Variants in NTRK2 observed in about 807,000 individuals in gnomAD.
The protein encoded by NTRK2 is BDNF/NT-3 growth factors receptor.
Under a neutral mutation model 94.5 loss-of-function variants are expected in NTRK2, and 13 were observed. That is an observed-to-expected ratio of 0.14 (90% confidence interval 0.09 to 0.22). The LOEUF (loss-of-function observed/expected upper bound fraction) is 0.22. Among genes scored for constraint, NTRK2 ranks in the 10% least tolerant of loss-of-function variants. NTRK2 has a pLI of 1.00. For synonymous variants in NTRK2, 372 were observed against 407.4 expected, an observed-to-expected ratio of 0.91 and a Z score of 1.05; for missense variants, 639 against 1,071.2, an observed-to-expected ratio of 0.60 and a Z score of 5.63.
chr9:84,865,944 T>C (rs1231727661), intron 13 of NTRK2, among the ~76,000 whole-genome samples: 13 of 152,228 alleles, frequency 8.5e-5, no homozygotes, highest in Admixed American at 8.5e-4. Context: ...TTGCAAACAG[T>C]ATGAGTTTAG....
chr9:84,731,728 C>T (rs945290832), intron 9 of NTRK2, among the ~76,000 whole-genome samples: 2 of 152,058 alleles, frequency 1.3e-5, no homozygotes, highest in African/African-American at 2.4e-5. Flanking sequence ...CTCAAGACAG[C>T]GGCAGCCCAG....
chr9:84,690,510 A>T (rs1477506446), intron 2 of NTRK2, among the ~76,000 whole-genome samples: 1 of 151,392 alleles, frequency 6.6e-6, no homozygotes. Context: ...AAGAACAGGG[A>T]AAGAGGAAAA....
rs567285047 is a variant in NTRK2 at position 84,874,388 on chromosome 9, C to T, written c.1633+6957C>T. The T allele has an allele frequency of 9.4e-6, 10 of 1,065,392 alleles. No homozygotes were observed. In the Middle Eastern group the frequency reaches 1.2e-3, roughly 133 times the overall value. 66.0% of individuals were successfully genotyped at this position (1,065,392 alleles called of 1,614,324 possible). Reference sequence around the variant, plus strand: ...AAGGTTTTCTCCCTGGGAAATGCAGCTTTTCTCTGTCTTTACTAATTCTGC... The same window carrying T: ...AAGGTTTTCTCCCTGGGAAATGCAGTTTTTCTCTGTCTTTACTAATTCTGC... On this transcript the variant is annotated intron_variant, in intron 14 of 18. Coordinates refer to ENST00000277120, the MANE Select transcript of NTRK2 (RefSeq NM_006180.6).
At chr9:84,754,358 G>T (rs759132068) in intron 12 of NTRK2, among the ~76,000 whole-genome samples, 1 of 151,874 alleles carries the variant, frequency 6.6e-6, no homozygotes, top group African/African-American at 2.4e-5. Flanking sequence ...TCTATCTGGG[G>T]CATGATGTGA....
intron 12 of NTRK2, among the ~76,000 whole-genome samples, chr9:84,755,302 A>G (rs374381599): frequency 3.3e-5 from 5 of 152,170 alleles, no homozygotes; most frequent in South Asian, 2.1e-4. Flanking sequence ...CCATGGTAAC[A>G]GCATTCATAT....
intron 14 of NTRK2, chr9:84,874,687 G>C (rs199664390): frequency 7.3e-5 from 77 of 1,062,046 alleles, no homozygotes; most frequent in Non-Finnish European, 8.4e-5. Context: ...CTCTCTCCTT[G>C]GACTCAGCCC....
At chr9:84,925,133 C>A (rs1587947923) in intron 14 of NTRK2, among the ~76,000 whole-genome samples, 1 of 152,180 alleles carries the variant, frequency 6.6e-6, no homozygotes, top group East Asian at 1.9e-4. Flanking sequence ...ACCCCACTGC[C>A]CTCTCTGCAC....
chr9:84,835,207 A>G (rs967968517), intron 12 of NTRK2, among the ~76,000 whole-genome samples: 7 of 152,206 alleles, frequency 4.6e-5, no homozygotes, highest in African/African-American at 1.7e-4. Context: ...AGTGGCATTT[A>G]GTAGGTGTCG....
intron 12 of NTRK2, chr9:84,815,323 A>G (rs200358086): frequency 9.4e-5 from 98 of 1,047,996 alleles, no homozygotes; most frequent in Middle Eastern, 4.3e-4. Flanking sequence ...GGGGAAAAAA[A>G]GTGTGAAAAG....
Position 84,828,996 on chromosome 9 carries a change from G to T in NTRK2, c.1397-32044G>T, listed in dbSNP as rs529356178. Among the ~76,000 whole-genome samples, 621 of 130,000 alleles carry T rather than the reference G, an allele frequency of 4.8e-3. 3 individuals carry two copies. Among genetic ancestry groups the T allele is most frequent in the African/African-American group, 0.018 (568 of 32,374 alleles). 85.3% of individuals were successfully genotyped at this position (130,000 alleles called of 152,430 possible). A position where few individuals can be genotyped will look rare whatever the true frequency, so the allele number is the denominator to read the frequency against. ...CAGAAATCTATGGTGTTTTTTTTTT[G>T]TTGTTTGTTTGTTTGTTTTGAGATG... is the stretch of plus-strand genomic sequence containing the variant. On this transcript the variant is annotated intron_variant, in intron 12 of 18. Coordinates refer to ENST00000277120, the MANE Select transcript of NTRK2 (RefSeq NM_006180.6).
At chr9:84,808,052 C>T (rs1228112657) in intron 12 of NTRK2, among the ~76,000 whole-genome samples, 2 of 151,992 alleles carry the variant, frequency 1.3e-5, no homozygotes, top group African/African-American at 2.4e-5. Context: ...ATTGCATGGG[C>T]GTGTGGAGCT....
intron 12 of NTRK2, among the ~76,000 whole-genome samples, chr9:84,755,725 C>A (rs1055387216): frequency 3.9e-5 from 6 of 151,912 alleles, no homozygotes; most frequent in African/African-American, 1.2e-4. Context: ...TACCTCCCTA[C>A]CTTTGAATGT....
At chr9:84,912,276 T>G (rs1587908860) in intron 14 of NTRK2, among the ~76,000 whole-genome samples, 1 of 152,166 alleles carries the variant, frequency 6.6e-6, no homozygotes, top group East Asian at 1.9e-4. Context: ...GTTAATGGTG[T>G]TTTTATTTCT....
chr9:84,705,835 G>A (rs2061023182), intron 4 of NTRK2, among the ~76,000 whole-genome samples: 1 of 147,080 alleles, frequency 6.8e-6, no homozygotes, highest in Non-Finnish European at 1.5e-5. Flanking sequence ...TGTCGCCCAG[G>A]CTGGAGTGCA....
In NTRK2 at chr9:85,024,885, C is replaced by T. The variant is rs1014164791; in HGVS notation, c.*3448C>T. ...TATACATGTGTTCACATCAGCGCTA[C>T]CTGTGATGTTTTCATGTATTTATGT... On this transcript the variant is annotated 3_prime_UTR_variant, in exon 19 of 19. Coordinates refer to ENST00000277120, the MANE Select transcript of NTRK2 (RefSeq NM_006180.6). 8.6e-6 allele frequency: 2 copies of T among 232,856 alleles called. No individual in the cohort carries two copies. Among genetic ancestry groups the T allele is most frequent in the Non-Finnish European group, 1.7e-5 (2 of 117,862 alleles). 14.4% of individuals were successfully genotyped at this position (232,856 alleles called of 1,614,324 possible).
At chr9:84,740,857 A>T (rs1056312237) in intron 9 of NTRK2, among the ~76,000 whole-genome samples, 5 of 152,230 alleles carry the variant, frequency 3.3e-5, no homozygotes, top group African/African-American at 1.2e-4. Flanking sequence ...GAATGCATGA[A>T]CAGAAAATTG....
intron 9 of NTRK2, among the ~76,000 whole-genome samples, chr9:84,728,971 G>A (rs1224787885): frequency 2.0e-5 from 3 of 152,204 alleles, no homozygotes; most frequent in African/African-American, 4.8e-5. Flanking sequence ...CATGAATAGA[G>A]TTCCTCATCA....
At chr9:84,791,905 A>G (rs1031259152) in intron 12 of NTRK2, among the ~76,000 whole-genome samples, 1 of 152,234 alleles carries the variant, frequency 6.6e-6, no homozygotes, top group Admixed American at 6.5e-5. Context: ...GAGATGGTTT[A>G]GTTTCAGATG....
At chr9:84,942,788 A>G (rs1024016672) in intron 15 of NTRK2, among the ~76,000 whole-genome samples, 1 of 152,024 alleles carries the variant, frequency 6.6e-6, no homozygotes, top group South Asian at 2.1e-4. Flanking sequence ...TTTTTTACCT[A>G]AAATACATCT....
Sources: allele counts gnomAD v4.1 joint callset (sites outside exome capture counted in the v4.1 genomes callset), GRCh38; gene constraint gnomAD v4.1.1; transcripts MANE v1.5; gene names NCBI Gene and HGNC (gene_info 2026-07-23, HGNC 2026-07-21).